CPNE4: variants seen among roughly 807,000 people sequenced by gnomAD.
The protein encoded by CPNE4 is copine 4, also known as copine-4.
A neutral mutation model predicts 67.9 loss-of-function variants in CPNE4; 25 were observed. The ratio of observed to expected loss-of-function variants is 0.37; its 90% confidence interval spans 0.27 to 0.51. The LOEUF is 0.51. CPNE4 is among the 20% of genes least tolerant of loss of function. CPNE4 has a pLI of 0.93. For synonymous variants in CPNE4, 242 were observed against 244.9 expected (o/e 0.99, Z 0.11); for missense variants, 464 against 690.8 (o/e 0.67, Z 3.68).
intron 1 of CPNE4, among the ~76,000 whole-genome samples, chr3:131,926,916 G>C (rs540930991): frequency 6.6e-6 from 1 of 152,094 alleles, no homozygotes; most frequent in Non-Finnish European, 1.5e-5. Context: ...AAGGAGTAGG[G>C]GTCTGAGGAT....
chr3:131,634,715 G>A (rs1044956974), intron 7 of CPNE4, among the ~76,000 whole-genome samples: 8 of 152,118 alleles, frequency 5.3e-5, no homozygotes, highest in Non-Finnish European at 1.2e-4. Context: ...AAAAATTGAA[G>A]CAATGTTCTT....
chr3:131,550,449 T>G (rs1162390407), intron 13 of CPNE4, among the ~76,000 whole-genome samples: 1 of 152,110 alleles, frequency 6.6e-6, no homozygotes, highest in African/African-American at 2.4e-5. Flanking sequence ...ACATAGCAAG[T>G]GTGTTCAAGA....
chr3:131,634,542 T>G (rs997443003), intron 7 of CPNE4, among the ~76,000 whole-genome samples: 7 of 152,144 alleles, frequency 4.6e-5, no homozygotes, highest in African/African-American at 1.7e-4. Flanking sequence ...ATCCAGTAAC[T>G]TCATAGTCTG....
At chr3:131,994,725 G>A (rs375430656) in intron 1 of CPNE4, among the ~76,000 whole-genome samples, 3 of 152,160 alleles carry the variant, frequency 2.0e-5, no homozygotes, top group African/African-American at 2.4e-5. Flanking sequence ...CCCAAAGGAC[G>A]TAAACTTTTA....
chr3:131,651,945 C>G (rs964680705), intron 7 of CPNE4, among the ~76,000 whole-genome samples: 2 of 152,244 alleles, frequency 1.3e-5, no homozygotes, highest in Admixed American at 1.3e-4. Flanking sequence ...CTAAGGAGTC[C>G]TGGGCTTCAA....
At chr3:131,893,531 T>C (rs572788715) in intron 2 of CPNE4, among the ~76,000 whole-genome samples, 28 of 152,126 alleles carry the variant, frequency 1.8e-4, no homozygotes, top group African/African-American at 6.7e-4. Flanking sequence ...CACTTTATTC[T>C]CAAATTCACA....
intron 7 of CPNE4, among the ~76,000 whole-genome samples, chr3:131,629,944 C>G (rs1296910076): frequency 7.6e-6 from 1 of 131,160 alleles, no homozygotes; most frequent in Admixed American, 6.9e-5. Flanking sequence ...CTCTTTCTCC[C>G]TCTCCCTTAC....
At chr3:131,845,217 C>T (rs1010726130) in intron 2 of CPNE4, among the ~76,000 whole-genome samples, 2 of 152,196 alleles carry the variant, frequency 1.3e-5, no homozygotes, top group African/African-American at 2.4e-5. Flanking sequence ...TAACCACCCA[C>T]CATCATCAAC....
chr3:131,959,215 T>TCC (rs1450595198), intron 1 of CPNE4, among the ~76,000 whole-genome samples: 1 of 47,602 alleles, frequency 2.1e-5, no homozygotes, highest in South Asian at 5.8e-4. Context: ...TTAGCCAGGA[T>TCC]GGTCTCGATC....
chr3:131,646,219 T>C (rs1255839776), intron 7 of CPNE4, among the ~76,000 whole-genome samples: 2 of 152,210 alleles, frequency 1.3e-5, no homozygotes, highest in African/African-American at 4.8e-5. Context: ...GGCCAAAGGA[T>C]TCTTTTCCCC....
At chr3:131,955,377 G>T (rs112775121) in intron 1 of CPNE4, among the ~76,000 whole-genome samples, 1 of 120,786 alleles carries the variant, frequency 8.3e-6, no homozygotes, top group Admixed American at 8.4e-5. Flanking sequence ...TAAGTTGCAC[G>T]CAATGCTTTT....
At chr3:131,721,292 G>T (rs989721869) in intron 3 of CPNE4, among the ~76,000 whole-genome samples, 1 of 133,250 alleles carries the variant, frequency 7.5e-6, no homozygotes, top group African/African-American at 2.8e-5. Flanking sequence ...AGGGACTAAA[G>T]ATTTGAGTTT....
At chr3:131,769,990 G>A (rs1395194333) in intron 2 of CPNE4, among the ~76,000 whole-genome samples, 5 of 152,084 alleles carry the variant, frequency 3.3e-5, no homozygotes, top group African/African-American at 1.2e-4. Context: ...AGTTTGCACA[G>A]TTCTTGATGC....
intron 7 of CPNE4, among the ~76,000 whole-genome samples, chr3:131,652,536 TA>T (rs1430263454): frequency 6.6e-6 from 1 of 152,190 alleles, no homozygotes; most frequent in Non-Finnish European, 1.5e-5. Flanking sequence ...GCATGCTTAT[TA>T]AAAATGTGTG....
chr3:131,638,395 T>C (rs1163760045), intron 7 of CPNE4, among the ~76,000 whole-genome samples: 1 of 151,968 alleles, frequency 6.6e-6, no homozygotes, highest in Non-Finnish European at 1.5e-5. Context: ...ATAGCTAAAC[T>C]TGAAAGCAGC....
chr3:131,912,483 T>C (rs901628248), intron 1 of CPNE4, among the ~76,000 whole-genome samples: 2 of 152,084 alleles, frequency 1.3e-5, no homozygotes, highest in African/African-American at 4.8e-5. Flanking sequence ...GCTGGATGTC[T>C]CTATCTCACA....
At chr3:132,018,989 C>T (rs2073940205) in intron 1 of CPNE4, among the ~76,000 whole-genome samples, 1 of 152,196 alleles carries the variant, frequency 6.6e-6, no homozygotes, top group Admixed American at 6.5e-5. Flanking sequence ...GGAAACTCTG[C>T]TTTATCAAGA....
chr3:132,027,552 C>G (rs190987495), intron 1 of CPNE4, among the ~76,000 whole-genome samples: 24 of 152,120 alleles, frequency 1.6e-4, no homozygotes, highest in Admixed American at 7.2e-4. Context: ...AGTCACAGGA[C>G]GTAAAGGCCA....
intron 2 of CPNE4, among the ~76,000 whole-genome samples, chr3:131,869,981 G>A (rs2087124533): frequency 1.3e-5 from 2 of 152,096 alleles, no homozygotes; most frequent in Admixed American, 6.5e-5. Context: ...ACATACAAGG[G>A]AACATATTTA....
Sources: allele counts gnomAD v4.1 joint callset (sites outside exome capture counted in the v4.1 genomes callset), GRCh38; gene constraint gnomAD v4.1.1; transcripts MANE v1.5; gene names NCBI Gene and HGNC (gene_info 2026-07-23, HGNC 2026-07-21).